Variants in PRTFDC1 observed in about 807,000 individuals in gnomAD.
The protein encoded by PRTFDC1 is phosphoribosyl transferase domain containing 1, also known as phosphoribosyltransferase domain-containing protein 1.
PRTFDC1 carries 38 observed loss-of-function variants against 34.6 expected under a neutral mutation model. The observed-to-expected ratio is 1.10, with a 90% CI of 0.85 to 1.44. The LOEUF is 1.44. PRTFDC1 is among the 40% of genes most tolerant of loss of function. The pLI is 0.00. For synonymous variants in PRTFDC1, 93 were observed against 98.1 expected (o/e 0.95, Z 0.31); for missense variants, 270 against 283.0 (o/e 0.95, Z 0.33).
chr10:24,928,067 T>C (rs1488584662), intron 3 of PRTFDC1, among the ~76,000 whole-genome samples: 1 of 152,198 alleles, frequency 6.6e-6, no homozygotes, highest in African/African-American at 2.4e-5. Flanking sequence ...ATACAATCCA[T>C]GTCAAATCAT....
At position 24,937,208 on chromosome 10, in the gene PRTFDC1, A is replaced by ATC; in HGVS notation, c.313_314dup (p.Asp105GlufsTer6). On this transcript the variant is annotated frameshift_variant, in exon 3 of 9. Transcript: ENST00000320152. LOFTEE classifies it high-confidence loss of function. ...CCCTGTAACTTTTTAGTCTGATGAA[A>ATC]TCAACCTTCATTGAGACAAATCGAT... The ATC allele has an allele frequency of 6.2e-7, 1 of 1,613,422 alleles. No homozygotes were observed. Among genetic ancestry groups the ATC allele is most frequent in the Non-Finnish European group, 8.5e-7 (1 of 1,179,890 alleles).
In PRTFDC1 at chr10:24,913,949, T is replaced by C. The variant is rs536964508; in HGVS notation, c.339+23235A>G. Among the ~76,000 whole-genome samples, 72 of 152,340 alleles carry C rather than the reference T, an allele frequency of 4.7e-4. No homozygotes were observed. The South Asian group carries it at 5.4e-3, about 11-fold the overall frequency. ...TTTATTTTCCCTCTGGGGAAATTGC[T>C]TGACTTCTGGGAAATATCCACTTTG... On this transcript the variant is annotated intron_variant, in intron 3 of 8. Transcript: ENST00000320152.
intron 3 of PRTFDC1, among the ~76,000 whole-genome samples, chr10:24,872,845 T>C (rs1001550085): frequency 1.5e-4 from 21 of 144,234 alleles, no homozygotes; most frequent in Non-Finnish European, 1.5e-4. Flanking sequence ...GGTCTCACTT[T>C]TGGCCAGGCT....
intron 3 of PRTFDC1, among the ~76,000 whole-genome samples, chr10:24,920,204 T>C (rs907262960): frequency 1.3e-5 from 2 of 151,974 alleles, no homozygotes; most frequent in African/African-American, 4.8e-5. Context: ...CTATTCACAA[T>C]AGCAAAGACA....
At chr10:24,919,885 C>G (rs1353786837) in intron 3 of PRTFDC1, among the ~76,000 whole-genome samples, 1 of 151,996 alleles carries the variant, frequency 6.6e-6, no homozygotes, top group Non-Finnish European at 1.5e-5. Flanking sequence ...CTCAACATCA[C>G]AAATCATTAG....
At chr10:24,950,774 A>G (rs961130450) in intron 1 of PRTFDC1, among the ~76,000 whole-genome samples, 4 of 151,984 alleles carry the variant, frequency 2.6e-5, no homozygotes, top group Admixed American at 2.0e-4. Context: ...GGGACTTTCC[A>G]GGCTTCCATC....
intron 3 of PRTFDC1, among the ~76,000 whole-genome samples, chr10:24,905,169 C>T (rs1274809298): frequency 6.6e-6 from 1 of 151,828 alleles, no homozygotes; most frequent in Non-Finnish European, 1.5e-5. Context: ...AAAAATTAGC[C>T]AGGCACAGTG....
chr10:24,939,396 G>T (rs1849112341), intron 2 of PRTFDC1, among the ~76,000 whole-genome samples: 1 of 150,892 alleles, frequency 6.6e-6, no homozygotes, highest in Admixed American at 6.6e-5. Flanking sequence ...AAATACGATA[G>T]ATACTAAACA....
intron 4 of PRTFDC1, among the ~76,000 whole-genome samples, chr10:24,862,463 C>T (rs940066945): frequency 2.0e-5 from 3 of 152,140 alleles, no homozygotes; most frequent in Admixed American, 6.5e-5. Context: ...CAACCTCTGC[C>T]TCTTGGGTTC....
chr10:24,910,918 A>C (rs1588609627), intron 3 of PRTFDC1, among the ~76,000 whole-genome samples: 3 of 144,532 alleles, frequency 2.1e-5, no homozygotes, highest in East Asian at 2.0e-4. Context: ...TGCAACCTCC[A>C]CCTCCCAGGC....
chr10:24,890,980 A>T (rs1235770361), intron 3 of PRTFDC1, among the ~76,000 whole-genome samples: 1 of 152,192 alleles, frequency 6.6e-6, no homozygotes, highest in African/African-American at 2.4e-5. Flanking sequence ...ACTGCAGCTG[A>T]CAGGCTCATT....
chr10:24,887,894 G>C (rs1848196940), intron 3 of PRTFDC1, among the ~76,000 whole-genome samples: 1 of 151,386 alleles, frequency 6.6e-6, no homozygotes, highest in Non-Finnish European at 1.5e-5. Context: ...CACTGCATAT[G>C]CATCTGTTCA....
In PRTFDC1 at chr10:24,952,163, G is replaced by T. The variant is rs1429824964; in HGVS notation, c.48+365C>A. ...GAGTCAAGAGGAGACCCAGGAAGAA[G>T]GAGGCCTCCAGAGCAGCACGCGGGG... On this transcript the variant is annotated intron_variant, in intron 1 of 8. Transcript: ENST00000320152. The surrounding 1 kb of genome is among the most constrained non-coding windows in gnomAD (Gnocchi z 5.1). 1.3e-5 allele frequency among the ~76,000 whole-genome samples: 2 copies of T among 152,240 alleles called. No homozygotes were observed. Among genetic ancestry groups the T allele is most frequent in the Non-Finnish European group, 2.9e-5 (2 of 68,048 alleles).
At chr10:24,950,770 T>C (rs1353219493) in intron 1 of PRTFDC1, among the ~76,000 whole-genome samples, 2 of 152,160 alleles carry the variant, frequency 1.3e-5, no homozygotes, top group Non-Finnish European at 2.9e-5. Context: ...ATTTGGGACT[T>C]TCCAGGCTTC....
intron 3 of PRTFDC1, among the ~76,000 whole-genome samples, chr10:24,933,056 T>G (rs1194217661): frequency 6.6e-6 from 1 of 152,002 alleles, no homozygotes; most frequent in Non-Finnish European, 1.5e-5. Context: ...GAACACTTCA[T>G]GCAAAAATGA....
At chr10:24,950,015 T>C (rs1849315409) in intron 1 of PRTFDC1, among the ~76,000 whole-genome samples, 1 of 152,146 alleles carries the variant, frequency 6.6e-6, no homozygotes, top group Non-Finnish European at 1.5e-5. Context: ...ATTACAGGTA[T>C]GAGCCACCTC....
At chr10:24,882,200 G>A (rs1485587861) in intron 3 of PRTFDC1, among the ~76,000 whole-genome samples, 1 of 15,034 alleles carries the variant, frequency 6.7e-5, no homozygotes, top group Non-Finnish European at 1.4e-4. Context: ...GAGCGGATCT[G>A]CCTCAAAAAA....
intron 3 of PRTFDC1, among the ~76,000 whole-genome samples, chr10:24,873,934 GT>G (rs1847920538): frequency 6.8e-6 from 1 of 147,538 alleles, no homozygotes; most frequent in Non-Finnish European, 1.5e-5. Flanking sequence ...AAGAGACATG[GT>G]CTCACTCTGT....
chr10:24,925,671 A>T (rs1848860431), intron 3 of PRTFDC1, among the ~76,000 whole-genome samples: 3 of 147,022 alleles, frequency 2.0e-5, no homozygotes. Context: ...ATCTTCAGGC[A>T]TCTGTTGTGA....
Sources: gnomAD v4.1 joint callset for allele counts (sites outside exome capture counted in the v4.1 genomes callset) on GRCh38, gnomAD v4.1.1 for gene constraint, Gnocchi (gnomAD v3.1) non-coding constraint, MANE v1.5 for transcripts, NCBI Gene and HGNC (gene_info 2026-07-23, HGNC 2026-07-21) for gene names.